The following CCNT2 variants were observed in gnomAD, a reference collection of about 807,000 sequenced individuals.
The protein encoded by CCNT2 is cyclin-T2.
In CCNT2, 18 loss-of-function variants were observed where a neutral mutation model predicts 70.0. The observed-to-expected ratio is 0.26, with a 90% CI of 0.18 to 0.38. The LOEUF (loss-of-function observed/expected upper bound fraction) is 0.38. CCNT2 is among the 10% of genes least tolerant of loss of function. CCNT2 has a pLI of 1.00. For synonymous variants in CCNT2, 334 were observed against 313.3 expected, an observed-to-expected ratio of 1.07 and a Z score of -0.70; for missense variants, 734 against 890.2, an observed-to-expected ratio of 0.82 and a Z score of 2.23.
chr2:134,919,830 C>T lies in CCNT2; in HGVS notation c.179C>T (p.Thr60Ile). Residue 60 changes from threonine to isoleucine, a missense_variant, in exon 2 of 9, where the codon ACT (threonine) becomes ATT (isoleucine). Transcript: ENST00000264157. ...TCCAGCTCTCAGCTTACAATAAACA[C>T]TGCGATTGTTTATATGCACAGGTTT... is the stretch of plus-strand genomic sequence containing the variant. Reference protein sequence around the residue: ...RLNVSQLTINTAIVYMHRFYM... With the variant: ...RLNVSQLTINIAIVYMHRFYM... The T allele has an allele frequency of 6.2e-7, 1 of 1,611,814 alleles. No individual in the cohort carries two copies. The highest frequency in any genetic ancestry group is 8.5e-7 in the Non-Finnish European group (1 of 1,178,528).
chr2:134,942,906 C>T (rs995129902), intron 5 of CCNT2: 16 of 1,322,410 alleles, frequency 1.2e-5, no homozygotes, highest in South Asian at 3.8e-5. Flanking sequence ...ACTAAAACTC[C>T]GGAGGGCTTC....
At chr2:134,933,211 A>G (rs184513490) in intron 2 of CCNT2, among the ~76,000 whole-genome samples, 3 of 152,332 alleles carry the variant, frequency 2.0e-5, no homozygotes, top group East Asian at 3.9e-4. Context: ...TTTAATGTTG[A>G]AGAGTAATCA....
chr2:134,942,039 A>G (rs1318745387), intron 4 of CCNT2, among the ~76,000 whole-genome samples: 2 of 152,128 alleles, frequency 1.3e-5, no homozygotes, highest in African/African-American at 2.4e-5. Context: ...GATAGCTTTT[A>G]AACATTTCAT....
intron 2 of CCNT2, among the ~76,000 whole-genome samples, chr2:134,920,520 T>G (rs1679820000): frequency 6.6e-6 from 1 of 152,166 alleles, no homozygotes; most frequent in African/African-American, 2.4e-5. Context: ...AATATTAAGG[T>G]ATATAACCTG....
In CCNT2 at chr2:134,953,223, TTAATAGGC is replaced by T. The variant is rs779063877; in HGVS notation, c.775-2_780del. 5 of 1,594,200 alleles carry T rather than the reference TTAATAGGC, an allele frequency of 3.1e-6. No individual in the cohort carries two copies. The highest frequency in any genetic ancestry group is 4.3e-6 in the Non-Finnish European group (5 of 1,166,456). On this transcript the variant is annotated splice_acceptor_variant and splice_polypyrimidine_tract_variant and coding_sequence_variant and intron_variant, in exon 9 of 9. Transcript: ENST00000264157. LOFTEE classifies it high-confidence loss of function. ...ATCACTGCTTCTTCTGTGTTTTATT[TTAATAGGC>T]TAATCAGGCAGCTAGGAAACCAAAA...
chr2:134,929,388 A>C (rs80353268), intron 2 of CCNT2, among the ~76,000 whole-genome samples: 52,778 of 151,432 alleles, frequency 0.35, 9,998 homozygotes, highest in Middle Eastern at 0.67. Flanking sequence ...GAGGATTGAA[A>C]CCAGGACTTC....
intron 2 of CCNT2, among the ~76,000 whole-genome samples, chr2:134,928,102 CTGGGATTATAGGCATG>C (rs996337175): frequency 2.8e-4 from 43 of 152,078 alleles, no homozygotes; most frequent in Non-Finnish European, 2.8e-4. Flanking sequence ...TCTCAAGTAG[CTGGGATTATAGGCATG>C]TGCCACCACA....
At chr2:134,940,922 A>T (rs960345614) in intron 4 of CCNT2, among the ~76,000 whole-genome samples, 1 of 152,206 alleles carries the variant, frequency 6.6e-6, no homozygotes, top group African/African-American at 2.4e-5. Flanking sequence ...AAGATAAATG[A>T]ATCCAGTGTA....
intron 2 of CCNT2, 119 bp downstream of exon 2, chr2:134,920,010 C>A: frequency 1.6e-6 from 1 of 626,960 alleles, no homozygotes; most frequent in Non-Finnish European, 2.8e-6. Context: ...AAACGTATAT[C>A]ACGTGATAAA....
rs953158470 is a variant in CCNT2, at chr2:134,957,808, A to G, written c.*3160A>G. On this transcript the variant is annotated 3_prime_UTR_variant, in exon 9 of 9. Coordinates refer to ENST00000264157, the MANE Select transcript of CCNT2 (RefSeq NM_058241.3). ...CTGGTTAAAGTTCTTATTCAGAGTC[A>G]TCTAAAAGAAATTTCTAACATGATG... The G allele has an allele frequency of 6.6e-6, 1 of 152,206 alleles. No individual in the cohort carries two copies. Among genetic ancestry groups the G allele is most frequent in the Non-Finnish European group, 1.5e-5 (1 of 68,036 alleles). 9.4% of individuals were successfully genotyped at this position (152,206 alleles called of 1,614,324 possible).
intron 1 of CCNT2, 62 bp from the exon 2 acceptor site, chr2:134,919,748 C>A: frequency 7.7e-7 from 1 of 1,300,142 alleles, no homozygotes; most frequent in Non-Finnish European, 1.1e-6. Context: ...AATTTTCCAT[C>A]AAAATTGTTC....
chr2:134,947,518 A>G (rs763453152), intron 6 of CCNT2, among the ~76,000 whole-genome samples: 1 of 152,152 alleles, frequency 6.6e-6, no homozygotes. Flanking sequence ...TATATTAGTA[A>G]TATACTCGGG....
In CCNT2 at chr2:134,939,008, C is replaced by A; in HGVS notation, c.376C>A (p.Leu126Ile). 1 of 1,604,680 alleles carries A rather than the reference C, an allele frequency of 6.2e-7. No homozygotes were observed. Among genetic ancestry groups the A allele is most frequent in the Non-Finnish European group, 8.5e-7 (1 of 1,172,422 alleles). The change falls in exon 4 of 9, where the codon CTT (leucine) becomes ATT (isoleucine). Residue 126 changes from leucine (L) to isoleucine (I), a missense_variant. This residue lies in a region of CCNT2 where 161 missense variants were observed against 303.8 expected (regional missense o/e 0.53). Transcript: ENST00000264157. ...PLLDTKCDAY[L>I]QQTQELVILE... ...TAATATTTTTATCTGACAGGCTTAC[C>A]TTCAACAGACTCAAGAACTGGTTAT...
intron 2 of CCNT2, among the ~76,000 whole-genome samples, chr2:134,932,353 A>G (rs919687945): frequency 2.6e-5 from 4 of 152,174 alleles, no homozygotes; most frequent in Non-Finnish European, 5.9e-5. Flanking sequence ...TCCCCACTAA[A>G]TAATTTTTTA....
intron 2 of CCNT2, among the ~76,000 whole-genome samples, chr2:134,932,242 C>A (rs902588487): frequency 6.6e-6 from 1 of 152,150 alleles, no homozygotes; most frequent in Non-Finnish European, 1.5e-5. Flanking sequence ...CTCAGGTGAT[C>A]CGCCCGTCTT....
intron 3 of CCNT2, among the ~76,000 whole-genome samples, chr2:134,937,418 C>T (rs931949743): frequency 6.6e-6 from 1 of 152,136 alleles, no homozygotes; most frequent in African/African-American, 2.4e-5. Context: ...TGTACTACTG[C>T]TTATCTCTCT....
chr2:134,946,494 ATTATAG>A lies in CCNT2; in HGVS notation c.539+352_539+357del, dbSNP rs1040917345. 3.7e-6 allele frequency: 3 copies of A among 816,116 alleles called. No homozygotes were observed. In the African/African-American group the frequency reaches 5.5e-5, roughly 15 times the overall value. 50.6% of individuals were successfully genotyped at this position (816,116 alleles called of 1,614,324 possible). ...AGTATAAAGCTATTTCCAGTTTACAATTATAGTTAAATGACAATTTTTAAAATTTCA... is the reference window on the plus strand; with the variant it reads ...AGTATAAAGCTATTTCCAGTTTACAATTAAATGACAATTTTTAAAATTTCA... On this transcript the variant is annotated intron_variant, in intron 6 of 8. Transcript: ENST00000264157.
In CCNT2 at chr2:134,953,477, C is replaced by T. The variant is rs1682684508; in HGVS notation, c.1022C>T (p.Thr341Ile). ...LSMLATGMPS[T>I]SYGLSSHQEW... ...ATGCTAGCAACAGGAATGCCAAGTA[C>T]TTCATACGGTTTATCATCACACCAG... Residue 341 changes from threonine to isoleucine, a missense_variant, in exon 9 of 9, where the codon ACT (threonine) becomes ATT (isoleucine). By Grantham distance (89) the Thr-to-Ile change is moderately conservative. Transcript: ENST00000264157. 1.2e-6 allele frequency: 2 copies of T among 1,614,180 alleles called. No individual in the cohort carries two copies. The highest frequency in any genetic ancestry group is 2.2e-5 in the South Asian group (2 of 91,088).
Position 134,954,101 on chromosome 2 carries a change from G to A in CCNT2, c.1646G>A (p.Ser549Asn). Reference sequence around the variant, plus strand: ...GGCAGTGGGAAGAGCAAACATTCAAGCCCACATATTAGCAGAGACCATAAG... The same window carrying A: ...GGCAGTGGGAAGAGCAAACATTCAAACCCACATATTAGCAGAGACCATAAG... ...DEGSGKSKHS[S>N]PHISRDHKEK... Residue 549 changes from serine to asparagine, a missense_variant, in exon 9 of 9, where the codon AGC becomes AAC. Ser to Asn is a conservative substitution (Grantham distance 46, BLOSUM62 1). Coordinates refer to ENST00000264157, the MANE Select transcript of CCNT2 (RefSeq NM_058241.3). 1 of 1,614,028 alleles carries A rather than the reference G, an allele frequency of 6.2e-7. No homozygotes were observed. Among genetic ancestry groups the A allele is most frequent in the Non-Finnish European group, 8.5e-7 (1 of 1,179,984 alleles).
Sources: allele counts gnomAD v4.1 joint callset (sites outside exome capture counted in the v4.1 genomes callset), GRCh38; gene constraint gnomAD v4.1.1; regional missense constraint gnomAD v4.1.1; transcripts MANE v1.5; gene names NCBI Gene and HGNC (gene_info 2026-07-23, HGNC 2026-07-21).